Variants in CALN1 observed in about 807,000 individuals in gnomAD.
The protein encoded by CALN1 is calcium-binding protein 8.
In CALN1, 17 loss-of-function variants were observed where a neutral mutation model predicts 30.6. The observed-to-expected ratio is 0.56, with a 90% CI of 0.38 to 0.83. CALN1 has a LOEUF of 0.83. CALN1 is among the 40% of genes least tolerant of loss of function. The pLI is 0.00. For synonymous variants in CALN1, 156 were observed against 131.4 expected, an observed-to-expected ratio of 1.19 and a Z score of -1.28; for missense variants, 291 against 354.9, an observed-to-expected ratio of 0.82 and a Z score of 1.45.
rs563976023 is a variant in CALN1 at position 72,008,725 on chromosome 7, G to A, written c.501+14932C>T. ...GGCTGGGGTGAGGCAGTGTGATTTC[G>A]GCTCACTGCAACCTCCGCCTCCCGG... is the stretch of plus-strand genomic sequence containing the variant. On this transcript the variant is annotated intron_variant, in intron 5 of 6. Coordinates refer to ENST00000395275, the MANE Select transcript of CALN1 (RefSeq NM_031468.4). Among the ~76,000 whole-genome samples the A allele has an allele frequency of 9.4e-5, 14 of 148,774 alleles. No homozygotes were observed. In the South Asian group the frequency reaches 2.1e-3, roughly 22 times the overall value.
chr7:72,357,116 G>A (rs925348094), intron 2 of CALN1, among the ~76,000 whole-genome samples: 2 of 151,960 alleles, frequency 1.3e-5, no homozygotes, highest in South Asian at 2.1e-4. Flanking sequence ...CTGAAACTTA[G>A]AGACAGCCTT....
chr7:72,250,805 G>A (rs1019735278), intron 3 of CALN1, among the ~76,000 whole-genome samples: 1 of 152,130 alleles, frequency 6.6e-6, no homozygotes, highest in Non-Finnish European at 1.5e-5. Context: ...TCCAGCAGAT[G>A]CAGGCACCAC....
intron 3 of CALN1, among the ~76,000 whole-genome samples, chr7:72,246,670 T>C (rs530789042): frequency 6.6e-6 from 1 of 152,142 alleles, no homozygotes; most frequent in South Asian, 2.1e-4. Context: ...ACACGGTCCT[T>C]TGACCATCTT....
At chr7:72,460,153 G>A in the CALN1 span, among the ~76,000 whole-genome samples, 2 of 152,026 alleles carry the variant, frequency 1.3e-5, no homozygotes, top group African/African-American at 4.8e-5. Flanking sequence ...TTACCACGGA[G>A]ATGGCACCAA....
chr7:71,822,523 C>A (rs946792392), intron 5 of CALN1, among the ~76,000 whole-genome samples: 1 of 152,204 alleles, frequency 6.6e-6, no homozygotes, highest in Non-Finnish European at 1.5e-5. Flanking sequence ...GCTGGGATTG[C>A]AGGCGTGAGT....
intron 2 of CALN1, among the ~76,000 whole-genome samples, chr7:72,315,701 T>C (rs1463108118): frequency 6.7e-6 from 1 of 150,180 alleles, no homozygotes; most frequent in Non-Finnish European, 1.5e-5. Flanking sequence ...TGAGACCCTG[T>C]CTCTAAAAAA....
chr7:72,166,923 A>T (rs1429539632), intron 3 of CALN1, among the ~76,000 whole-genome samples: 1 of 152,062 alleles, frequency 6.6e-6, no homozygotes, highest in African/African-American at 2.4e-5. Flanking sequence ...GCATGCACCT[A>T]TAGTCTCAGC....
At chr7:72,437,195 C>T (rs1373532358) in intron 1 of CALN1, among the ~76,000 whole-genome samples, 1 of 152,118 alleles carries the variant, frequency 6.6e-6, no homozygotes, top group Non-Finnish European at 1.5e-5. Flanking sequence ...TCTGGAAATA[C>T]AGTCAAGTAG....
At chr7:72,365,279 T>C (rs577693325) in intron 2 of CALN1, among the ~76,000 whole-genome samples, 52 of 152,138 alleles carry the variant, frequency 3.4e-4, no homozygotes, top group African/African-American at 1.1e-3. Flanking sequence ...ATAGATATGA[T>C]AAAAAGTTGT....
chr7:72,170,586 A>G (rs1053924929), intron 3 of CALN1, among the ~76,000 whole-genome samples: 1 of 152,230 alleles, frequency 6.6e-6, no homozygotes, highest in Non-Finnish European at 1.5e-5. Context: ...TCCAGAGAAC[A>G]GAGAACATCA....
chr7:71,832,044 T>A (rs535306979), intron 5 of CALN1, among the ~76,000 whole-genome samples: 8 of 152,280 alleles, frequency 5.3e-5, no homozygotes, highest in African/African-American at 1.9e-4. Flanking sequence ...GCTCAGAATG[T>A]CCATCTCTGC....
At chr7:72,128,879 A>C (rs1407117554) in intron 3 of CALN1, among the ~76,000 whole-genome samples, 1 of 152,220 alleles carries the variant, frequency 6.6e-6, no homozygotes, top group Non-Finnish European at 1.5e-5. Context: ...TCTCAAGATA[A>C]ATAAAACTTA....
At chr7:72,445,868 T>C (rs1227000098) in intron 1 of CALN1, among the ~76,000 whole-genome samples, 2 of 152,138 alleles carry the variant, frequency 1.3e-5, no homozygotes, top group South Asian at 2.1e-4. Context: ...GGCAATCACT[T>C]TGGGGGAAAA....
intron 4 of CALN1, among the ~76,000 whole-genome samples, chr7:72,062,092 T>A (rs1176102168): frequency 6.6e-6 from 1 of 152,094 alleles, no homozygotes; most frequent in Non-Finnish European, 1.5e-5. Context: ...GAATTCTACA[T>A]CCAGTGGAAA....
chr7:71,966,101 T>C (rs1797517275), intron 5 of CALN1, among the ~76,000 whole-genome samples: 1 of 152,218 alleles, frequency 6.6e-6, no homozygotes, highest in Non-Finnish European at 1.5e-5. Context: ...AGTCTGTCTA[T>C]GCTCCTGTGC....
chr7:71,827,271 G>A (rs573015522), intron 5 of CALN1, among the ~76,000 whole-genome samples: 30 of 152,276 alleles, frequency 2.0e-4, no homozygotes, highest in Admixed American at 1.6e-3. Flanking sequence ...CTGGGCTGTC[G>A]GCATGCCAAG....
intron 5 of CALN1, among the ~76,000 whole-genome samples, chr7:71,987,666 C>T (rs1479615198): frequency 1.3e-5 from 2 of 152,232 alleles, no homozygotes; most frequent in Non-Finnish European, 2.9e-5. Flanking sequence ...GGAATTTGCA[C>T]TGTCCTCAGG....
intron 5 of CALN1, among the ~76,000 whole-genome samples, chr7:71,944,594 C>CAA (rs10677940): frequency 0.17 from 10,160 of 58,964 alleles, 481 homozygotes; most frequent in Non-Finnish European, 0.21. Context: ...AACTCCATCC[C>CAA]AAAAAAAAAA....
At chr7:72,169,741 G>A (rs1238863158) in intron 3 of CALN1, among the ~76,000 whole-genome samples, 3 of 151,878 alleles carry the variant, frequency 2.0e-5, no homozygotes, top group Admixed American at 2.0e-4. Context: ...CCAGGCTGGA[G>A]TACAATCGCG....
Sources: allele counts gnomAD v4.1 joint callset (sites outside exome capture counted in the v4.1 genomes callset), GRCh38; gene constraint gnomAD v4.1.1; transcripts MANE v1.5; gene names NCBI Gene and HGNC (gene_info 2026-07-23, HGNC 2026-07-21).